Variants in MGAM observed in about 807,000 individuals in gnomAD.
MGAM encodes the protein alpha-1,4-glucosidase.
A neutral mutation model predicts 358.8 loss-of-function variants in MGAM; 253 were observed. The ratio of observed to expected loss-of-function variants is 0.71; its 90% confidence interval spans 0.64 to 0.78. MGAM has a LOEUF of 0.78. Among genes scored for constraint, MGAM ranks in the 30% least tolerant of loss-of-function variants. The probability of loss-of-function intolerance (pLI) is 0.00; values close to 1 mark genes in which losing one functional copy is unlikely to be tolerated. For missense variants in MGAM, 3,080 were observed against 3,432.6 expected (o/e 0.90, Z 2.57); for synonymous variants, 1,105 against 1,227.1 (o/e 0.90, Z 2.08).
intron 23 of MGAM, 130 bp from the exon 24 acceptor site, chr7:142,050,567 C>A: frequency 1.0e-6 from 1 of 994,908 alleles, no homozygotes; most frequent in Non-Finnish European, 1.5e-6. Context: ...TCAGCACACA[C>A]TAGTAGAGAA....
At position 142,052,391 on chromosome 7, in the gene MGAM, C is replaced by G; in HGVS notation, c.2903C>G (p.Pro968Arg). Reference sequence around the variant, plus strand: ...GATGAAGAAAAAATAGACTGTTACCCTGATGAGAATGGTGCTTCTGCCGAA... The same window carrying G: ...GATGAAGAAAAAATAGACTGTTACCGTGATGAGAATGGTGCTTCTGCCGAA... ...IRDEEKIDCYPDENGASAENC... is the reference protein window; with the variant it reads ...IRDEEKIDCYRDENGASAENC... Residue 968 changes from proline (P) to arginine (R), a missense_variant, in exon 25 of 71, where the codon CCT (proline) becomes CGT (arginine). Pro to Arg is a moderately radical substitution (Grantham distance 103, BLOSUM62 -2). Coordinates refer to ENST00000475668, the MANE Select transcript of MGAM (RefSeq NM_001365693.1). The G allele has an allele frequency of 6.2e-7, 1 of 1,613,154 alleles. No homozygotes were observed. Among genetic ancestry groups the G allele is most frequent in the Non-Finnish European group, 8.5e-7 (1 of 1,179,572 alleles).
chr7:142,052,198 T>TA, intron 24 of MGAM, 96 bp from the exon 25 acceptor site: 1 of 1,070,942 alleles, frequency 9.3e-7, no homozygotes, highest in Non-Finnish European at 1.3e-6. Flanking sequence ...AAGTCTGGTC[T>TA]AATTTCTATT....
intron 3 of MGAM, among the ~76,000 whole-genome samples, chr7:142,015,728 GT>G (rs569061726): frequency 6.7e-6 from 1 of 150,252 alleles, no homozygotes; most frequent in South Asian, 2.1e-4. Flanking sequence ...GATCACTTAG[GT>G]TTTTTTTTCT....
At position 142,036,281 on chromosome 7, in the gene MGAM, A is replaced by T; in HGVS notation, c.2072A>T (p.Tyr691Phe). 6.2e-7 allele frequency: 1 copy of T among 1,600,274 alleles called. No individual in the cohort carries two copies. Among genetic ancestry groups the T allele is most frequent in the African/African-American group, 1.3e-5 (1 of 74,900 alleles). Reference sequence around the variant, plus strand: ...TCTAGAAATCACAATGGCCAAGGCTACAAGGTAAGGCTCCTAGGACATAGA... The same window carrying T: ...TCTAGAAATCACAATGGCCAAGGCTTCAAGGTAAGGCTCCTAGGACATAGA... ...PFSRNHNGQG[Y>F]KDQDPASFGA... is the part of the protein sequence containing the mutation. Residue 691 changes from tyrosine (Y) to phenylalanine (F), a missense_variant, in exon 17 of 71, where the codon TAC becomes TTC. Around this residue, in one of 5 missense-constraint regions of MGAM, gnomAD observed 1,816 missense variants for 1,840.5 expected, o/e 0.99. Transcript: ENST00000475668.
chr7:142,020,568 C>A (rs1806346431), intron 4 of MGAM, among the ~76,000 whole-genome samples: 1 of 149,404 alleles, frequency 6.7e-6, no homozygotes, highest in Admixed American at 6.7e-5. Flanking sequence ...TTTCATCAAT[C>A]CCTTTGACAT....
At chr7:142,102,781 C>A in intron 69 of MGAM, 102 bp downstream of exon 69, 1 of 1,132,788 alleles carries the variant, frequency 8.8e-7, no homozygotes, top group Non-Finnish European at 1.3e-6. Context: ...CTTCATTGCT[C>A]ATCTTGCTAA....
rs1805829105 is a variant in MGAM at position 142,014,614 on chromosome 7, A to G, written c.328-4585A>G. 2.0e-5 allele frequency among the ~76,000 whole-genome samples: 3 copies of G among 152,070 alleles called. No homozygotes were observed. In the South Asian group the frequency reaches 6.2e-4, roughly 32 times the overall value. On this transcript the variant is annotated intron_variant, in intron 3 of 70. Transcript: ENST00000475668. The stretch of plus-strand genomic sequence containing the variant: ...CTTCTGTATTATTACCTTTTCCTCC[A>G]TCCTCTTTAGAAGTAACCACACTTT...
intron 59 of MGAM, 91 bp from the exon 60 acceptor site, chr7:142,093,321 G>T: frequency 1.4e-6 from 2 of 1,414,920 alleles, no homozygotes; most frequent in Non-Finnish European, 9.7e-7. Flanking sequence ...ACTGAAGTTA[G>T]TCTTAAGATC....
chr7:142,012,884 C>G (rs1554454809), intron 3 of MGAM, among the ~76,000 whole-genome samples: 7 of 152,116 alleles, frequency 4.6e-5, no homozygotes, highest in Non-Finnish European at 2.9e-5. Context: ...GGTACTCTCT[C>G]CAGCAGGGTA....
intron 24 of MGAM, 67 bp from the exon 25 acceptor site, chr7:142,052,227 A>G: frequency 6.5e-6 from 9 of 1,379,804 alleles, no homozygotes; most frequent in African/African-American, 1.5e-5. Context: ...ATCGAAAAAA[A>G]AACCTCAGGT....
At position 142,058,287 on chromosome 7, in the gene MGAM, G is replaced by T. The variant is rs111374090; in HGVS notation, c.3778G>T (p.Ala1260Ser). The T allele has an allele frequency of 6.9e-5, 111 of 1,613,738 alleles. No individual in the cohort carries two copies. The African/African-American group carries it at 7.2e-4, about 10-fold the overall frequency. ...RYGYQNDSEI[A>S]SLYDEMVAAQ... ...TGGCTACCAGAATGACTCTGAGATC[G>T]CCAGCTTGTATGATGAGATGGTGGC... Residue 1260 changes from alanine (A) to serine (S), a missense_variant, in exon 31 of 71, where the codon GCC becomes TCC. By Grantham distance (99) the Ala-to-Ser change is moderately conservative (BLOSUM62 1). This residue lies in a region of MGAM where 1,816 missense variants were observed against 1,840.5 expected (regional missense o/e 0.99). Coordinates refer to ENST00000475668, the MANE Select transcript of MGAM (RefSeq NM_001365693.1).
chr7:142,069,685 C>A (rs1813168553), intron 43 of MGAM, among the ~76,000 whole-genome samples: 2 of 145,488 alleles, frequency 1.4e-5, no homozygotes, highest in South Asian at 4.4e-4. Flanking sequence ...CCTCTTCCTG[C>A]TGCTAGTCTG....
rs1175870664 is a variant in MGAM at position 142,092,097 on chromosome 7, G to A, written c.6945+50G>A. 3.3e-6 allele frequency: 5 copies of A among 1,533,546 alleles called. 1 individual carries two copies. Among genetic ancestry groups the A allele is most frequent in the Non-Finnish European group, 4.5e-6 (5 of 1,119,072 alleles). 95.0% of individuals were successfully genotyped at this position (1,533,546 alleles called of 1,614,324 possible). Reference sequence around the variant, plus strand: ...ACCAGTGACACTTGTCTATCTTTGTGTGCCTACGTGTATGTACCACTGACC... The same window carrying A: ...ACCAGTGACACTTGTCTATCTTTGTATGCCTACGTGTATGTACCACTGACC... On this transcript the variant is annotated intron_variant, in intron 58 of 70. Transcript: ENST00000475668.
chr7:142,051,994 C>T (rs188905281), intron 24 of MGAM, among the ~76,000 whole-genome samples: 4 of 151,962 alleles, frequency 2.6e-5, no homozygotes, highest in Admixed American at 6.6e-5. Flanking sequence ...CATCTCACAG[C>T]GAGCTAAGAG....
In MGAM at chr7:142,092,105, G is replaced by A. The variant is rs542618906; in HGVS notation, c.6945+58G>A. 104 of 1,522,502 alleles carry A rather than the reference G, an allele frequency of 6.8e-5. 5 individuals carry two copies. In the African/African-American group the frequency reaches 1.1e-3, roughly 16 times the overall value. 94.3% of individuals were successfully genotyped at this position (1,522,502 alleles called of 1,614,324 possible). A position where few individuals can be genotyped will look rare whatever the true frequency, so the allele number is the denominator to read the frequency against. On this transcript the variant is annotated intron_variant, in intron 58 of 70. Transcript: ENST00000475668. ...CACTTGTCTATCTTTGTGTGCCTAC[G>A]TGTATGTACCACTGACCTTCAGTCA...
rs1170537040 is a variant in MGAM at position 142,071,670 on chromosome 7, A to C, written c.5186+552A>C. On this transcript the variant is annotated intron_variant, in intron 44 of 70. Coordinates refer to ENST00000475668, the MANE Select transcript of MGAM (RefSeq NM_001365693.1). Reference sequence around the variant, plus strand: ...GCTCACCCATGTTTCTTTACTCTTGAATCACTTATTCTCATTTTAGGAGGG... The same window carrying C: ...GCTCACCCATGTTTCTTTACTCTTGCATCACTTATTCTCATTTTAGGAGGG... 1.4e-5 allele frequency among the ~76,000 whole-genome samples: 2 copies of C among 145,492 alleles called. 1 individual carries two copies. Among genetic ancestry groups the C allele is most frequent in the Non-Finnish European group, 3.1e-5 (2 of 64,268 alleles).
intron 54 of MGAM, 95 bp downstream of exon 54, chr7:142,084,739 A>T (rs1814609031): frequency 2.8e-6 from 4 of 1,434,096 alleles, no homozygotes; most frequent in Non-Finnish European, 2.9e-6. Flanking sequence ...TTCTATAAAG[A>T]CATAATGTTC....
chr7:142,100,808 G>A lies in MGAM; in HGVS notation c.7881G>A (p.Gln2627=). The A allele has an allele frequency of 6.2e-7, 1 of 1,611,344 alleles. No homozygotes were observed. The highest frequency in any genetic ancestry group is 8.5e-7 in the Non-Finnish European group (1 of 1,178,834). The change falls in exon 68 of 71, where the codon CAG becomes CAA. Residue 2627 remains glutamine, a synonymous_variant. Coordinates refer to ENST00000475668, the MANE Select transcript of MGAM (RefSeq NM_001365693.1). ...CTCTGCCTGCTCACTGCAGCCGCCA[G>A]AAATTCATGGGCTTCAAAATTGCCT... ...EPALNTHLSR[Q]KFMGFKIALD...
At chr7:142,089,274 G>C (rs1815140173) in intron 57 of MGAM, among the ~76,000 whole-genome samples, 1 of 146,366 alleles carries the variant, frequency 6.8e-6, no homozygotes, top group Non-Finnish European at 1.5e-5. Flanking sequence ...GGCAGTGTTG[G>C]TTATCACAGG....
Sources: gnomAD v4.1 joint callset for allele counts (sites outside exome capture counted in the v4.1 genomes callset) on GRCh38, gnomAD v4.1.1 for gene constraint, gnomAD v4.1.1 regional missense constraint, MANE v1.5 for transcripts, NCBI Gene and HGNC (gene_info 2026-07-23, HGNC 2026-07-21) for gene names.